The following RREB1 variants were observed in gnomAD, a reference collection of about 807,000 sequenced individuals.
RREB1 encodes the protein ras responsive element binding protein 1.
A neutral mutation model predicts 117.8 loss-of-function variants in RREB1; 27 were observed. That is an observed-to-expected ratio of 0.23 (90% CI 0.17 to 0.32). The LOEUF (loss-of-function observed/expected upper bound fraction) is 0.32, where lower values mean the gene tolerates loss of function less well. RREB1 is among the 10% of genes least tolerant of loss of function. The probability of loss-of-function intolerance (pLI) is 1.00; values close to 1 mark genes in which losing one functional copy is unlikely to be tolerated. For synonymous variants in RREB1, 1,298 were observed against 1,026.7 expected (o/e 1.26, Z -5.05); for missense variants, 2,577 against 2,378.2 (o/e 1.08, Z -1.74).
rs1462133464 is a variant in RREB1 at position 7,230,374 on chromosome 6, G to A, written c.2275G>A (p.Gly759Ser). The A allele has an allele frequency of 1.9e-6, 3 of 1,592,464 alleles. No homozygotes were observed. Among genetic ancestry groups the A allele is most frequent in the South Asian group, 1.1e-5 (1 of 90,476 alleles). Residue 759 changes from glycine to serine, a missense_variant, in exon 10 of 13, where the codon GGC (glycine) becomes AGC (serine). Gly to Ser is a moderately conservative substitution (Grantham distance 56). Coordinates refer to ENST00000379938, the MANE Select transcript of RREB1 (RefSeq NM_001003699.4). ...CAPDTVCRLC[G>S]EDLKHYRALR... ...CCCGGACACCGTGTGCCGGCTGTGCGGCGAGGACCTCAAGCACTATCGTGC... is the reference window on the plus strand; with the variant it reads ...CCCGGACACCGTGTGCCGGCTGTGCAGCGAGGACCTCAAGCACTATCGTGC...
intron 3 of RREB1, 62 bp from the exon 4 acceptor site, chr6:7,181,808 C>A (rs565468152): frequency 1.7e-6 from 2 of 1,169,540 alleles, no homozygotes; most frequent in Admixed American, 1.7e-5. Context: ...TGGCCAGCGC[C>A]CCCTGGCAAT....
chr6:7,231,377 G>A lies in RREB1; in HGVS notation c.3278G>A (p.Ser1093Asn), dbSNP rs779975924. 6.2e-7 allele frequency: 1 copy of A among 1,613,510 alleles called. No homozygotes were observed. Among genetic ancestry groups the A allele is most frequent in the East Asian group, 2.2e-5 (1 of 44,870 alleles). The change falls in exon 10 of 13, where the codon AGC (serine) becomes AAC (asparagine). Residue 1093 changes from serine (S) to asparagine (N), a missense_variant. Coordinates refer to ENST00000379938, the MANE Select transcript of RREB1 (RefSeq NM_001003699.4). Reference protein sequence around the residue: ...KTKVADPGPASTGSNTTASDS... With the variant: ...KTKVADPGPANTGSNTTASDS... ...AAGGTGGCGGACCCAGGGCCCGCAA[G>A]CACTGGCAGTAACACCACGGCTTCA...
Position 7,169,230 on chromosome 6 carries a change from G to A in RREB1, c.-284-7425G>A, listed in dbSNP as rs376328818. ...GCAGATCTTAGGGTGGGACAGGGCA[G>A]GGGAGCTGCTCAACTTAATTCCCTG... On this transcript the variant is annotated intron_variant, in intron 1 of 12. Transcript: ENST00000379938. Among the ~76,000 whole-genome samples, 31 of 152,344 alleles carry A rather than the reference G, an allele frequency of 2.0e-4. 2 individuals carry two copies. The highest frequency in any genetic ancestry group is 1.9e-3 in the East Asian group (10 of 5,182).
intron 4 of RREB1, chr6:7,184,414 T>A (rs1764968316): frequency 6.6e-6 from 1 of 151,636 alleles, no homozygotes; most frequent in African/African-American, 2.4e-5. Flanking sequence ...GGCTTTTTTT[T>A]TTTTTAATTA....
intron 1 of RREB1, among the ~76,000 whole-genome samples, chr6:7,114,478 G>GGC (rs1761296642): frequency 6.6e-6 from 1 of 151,832 alleles, no homozygotes; most frequent in Admixed American, 6.6e-5. Flanking sequence ...TGGGGGGGGG[G>GGC]GCGGCAGCGG....
chr6:7,142,027 C>T (rs1386076747), intron 1 of RREB1, among the ~76,000 whole-genome samples: 1 of 152,130 alleles, frequency 6.6e-6, no homozygotes, highest in Non-Finnish European at 1.5e-5. Flanking sequence ...GCCTGGCCAA[C>T]ATGGTGAAAC....
chr6:7,128,599 A>G (rs1338096695), intron 1 of RREB1, among the ~76,000 whole-genome samples: 1 of 152,004 alleles, frequency 6.6e-6, no homozygotes, highest in Non-Finnish European at 1.5e-5. Context: ...GCTTTATGGC[A>G]GGCTTTAAGA....
Position 7,210,942 on chromosome 6 carries a change from T to C in RREB1, c.564T>C (p.Ala188=), listed in dbSNP as rs1055698983. 1 of 1,613,346 alleles carries C rather than the reference T, an allele frequency of 6.2e-7. No homozygotes were observed. The highest frequency in any genetic ancestry group is 8.5e-7 in the Non-Finnish European group (1 of 1,179,714). ...CAGAGAGAGAAGACCCAGCACCAGC[T>C]AAAAAGGTCCTCTTGGCTCCCAGTG... ...AESEREDPAP[A]KKMVEDGQSG... The change falls in exon 7 of 13, where the codon GCT becomes GCC. Residue 188 remains alanine, a synonymous_variant. Transcript: ENST00000379938.
rs772065402 is a variant in RREB1, at chr6:7,231,622, A to G, written c.3523A>G (p.Ser1175Gly). Reference sequence around the variant, plus strand: ...CAGCGGCGGGGTGGACCTGGACTCCAGCGGGGAGTTTGCCAGCATCGAGAA... The same window carrying G: ...CAGCGGCGGGGTGGACCTGGACTCCGGCGGGGAGTTTGCCAGCATCGAGAA... ...ANSGGVDLDS[S>G]GEFASIEKML... The change falls in exon 10 of 13, where the codon AGC (serine) becomes GGC (glycine). Residue 1175 changes from serine to glycine, a missense_variant. By Grantham distance (56) the Ser-to-Gly change is moderately conservative (BLOSUM62 0). Transcript: ENST00000379938. 6.2e-7 allele frequency: 1 copy of G among 1,611,810 alleles called. No homozygotes were observed. The highest frequency in any genetic ancestry group is 1.1e-5 in the South Asian group (1 of 91,024).
intron 1 of RREB1, among the ~76,000 whole-genome samples, chr6:7,131,074 G>C (rs1762138776): frequency 6.6e-6 from 1 of 151,462 alleles, no homozygotes; most frequent in South Asian, 2.1e-4. Context: ...GAGTAGGTGG[G>C]ACTACAGGCG....
At chr6:7,193,395 A>G (rs1007356584) in intron 6 of RREB1, among the ~76,000 whole-genome samples, 2 of 152,092 alleles carry the variant, frequency 1.3e-5, no homozygotes, top group East Asian at 3.9e-4. Context: ...ATTGATCTCC[A>G]TTTATTTTTA....
At chr6:7,141,181 C>G (rs982584433) in intron 1 of RREB1, among the ~76,000 whole-genome samples, 1 of 151,906 alleles carries the variant, frequency 6.6e-6, no homozygotes, top group South Asian at 2.1e-4. Context: ...GAGCGGGTAG[C>G]GAGGCCATCA....
intron 6 of RREB1, among the ~76,000 whole-genome samples, chr6:7,193,670 G>C (rs943654655): frequency 2.0e-5 from 3 of 152,124 alleles, no homozygotes; most frequent in African/African-American, 7.2e-5. Flanking sequence ...ATGGGACACA[G>C]ATGCAGGTCT....
chr6:7,233,136 T>A (rs1768104834), intron 10 of RREB1, among the ~76,000 whole-genome samples: 1 of 152,224 alleles, frequency 6.6e-6, no homozygotes, highest in Non-Finnish European at 1.5e-5. Context: ...CCTCAGGTGA[T>A]CTGCCCACCT....
At chr6:7,220,760 A>C (rs763058238) in intron 8 of RREB1, among the ~76,000 whole-genome samples, 2 of 152,186 alleles carry the variant, frequency 1.3e-5, no homozygotes, top group African/African-American at 4.8e-5. Flanking sequence ...TGCCCCATCT[A>C]AATATTAATA....
At chr6:7,119,289 T>C (rs1761559456) in intron 1 of RREB1, among the ~76,000 whole-genome samples, 1 of 151,922 alleles carries the variant, frequency 6.6e-6, no homozygotes, top group East Asian at 1.9e-4. Flanking sequence ...AGGCAGAGGT[T>C]GAATGAGCTG....
chr6:7,198,678 T>C (rs1376413118), intron 6 of RREB1, among the ~76,000 whole-genome samples: 1 of 152,212 alleles, frequency 6.6e-6, no homozygotes, highest in Non-Finnish European at 1.5e-5. Flanking sequence ...TACTTGGGTA[T>C]CAAAGCAGTT....
chr6:7,115,825 C>G (rs1761371934), intron 1 of RREB1, among the ~76,000 whole-genome samples: 1 of 152,166 alleles, frequency 6.6e-6, no homozygotes, highest in South Asian at 2.1e-4. Context: ...TGAAAGTCCT[C>G]TCCCTTCCTT....
At chr6:7,134,506 A>G (rs1261613403) in intron 1 of RREB1, among the ~76,000 whole-genome samples, 1 of 152,228 alleles carries the variant, frequency 6.6e-6, no homozygotes, top group African/African-American at 2.4e-5. Flanking sequence ...TTTTAAATGT[A>G]AGATACTCTT....
Sources: gnomAD v4.1 joint callset for allele counts (sites outside exome capture counted in the v4.1 genomes callset) on GRCh38, gnomAD v4.1.1 for gene constraint, MANE v1.5 for transcripts, NCBI Gene and HGNC (gene_info 2026-07-23, HGNC 2026-07-21) for gene names.